FMN2: variants seen among roughly 807,000 people sequenced by gnomAD.
The protein encoded by FMN2 is formin-2.
Under a neutral mutation model 142.3 loss-of-function variants are expected in FMN2, and 51 were observed. That is an observed-to-expected ratio of 0.36 (90% CI 0.29 to 0.45). The LOEUF (loss-of-function observed/expected upper bound fraction) is 0.45. Ranked by LOEUF, FMN2 falls within the 20% of genes least tolerant of loss-of-function variation. FMN2 has a pLI of 1.00. For synonymous variants in FMN2, 882 were observed against 869.8 expected, an observed-to-expected ratio of 1.01 and a Z score of -0.25; for missense variants, 1,936 against 2,122.8, an observed-to-expected ratio of 0.91 and a Z score of 1.73.
At chr1:240,411,111 G>A (rs1183774761) in intron 15 of FMN2, among the ~76,000 whole-genome samples, 1 of 152,122 alleles carries the variant, frequency 6.6e-6, no homozygotes, top group African/African-American at 2.4e-5. Flanking sequence ...AGGTTGTCTA[G>A]AAGATATACA....
At chr1:240,381,347 T>A (rs954029310) in intron 14 of FMN2, among the ~76,000 whole-genome samples, 20 of 152,328 alleles carry the variant, frequency 1.3e-4, no homozygotes, top group African/African-American at 4.6e-4. Flanking sequence ...TGGGTTCTAT[T>A]TTAGGAATGC....
chr1:240,115,365 C>G (rs1661981142), intron 1 of FMN2, among the ~76,000 whole-genome samples: 1 of 152,100 alleles, frequency 6.6e-6, no homozygotes, highest in East Asian at 1.9e-4. Flanking sequence ...CATGCATTAT[C>G]TCATTTAGTC....
At chr1:240,256,097 C>A (rs1430264627) in intron 6 of FMN2, among the ~76,000 whole-genome samples, 1 of 151,980 alleles carries the variant, frequency 6.6e-6, no homozygotes, top group Non-Finnish European at 1.5e-5. Flanking sequence ...CATTGAGAAA[C>A]CAGAAGATGA....
At chr1:240,162,302 A>G (rs928961253) in intron 2 of FMN2, among the ~76,000 whole-genome samples, 1 of 152,122 alleles carries the variant, frequency 6.6e-6, no homozygotes, top group Middle Eastern at 3.4e-3. Context: ...CATCTCTACT[A>G]AAAATAGAAA....
At chr1:240,300,418 A>G (rs10926208) in intron 8 of FMN2, among the ~76,000 whole-genome samples, 21,920 of 152,150 alleles carry the variant, frequency 0.14, 1,669 homozygotes, top group South Asian at 0.23. Context: ...AAATATAGGA[A>G]CATTAAGCCA....
At chr1:240,197,082 T>C (rs1410236280) in intron 4 of FMN2, among the ~76,000 whole-genome samples, 1 of 152,100 alleles carries the variant, frequency 6.6e-6, no homozygotes, top group Non-Finnish European at 1.5e-5. Context: ...GACCAAAGCA[T>C]AGTAATAGGG....
intron 8 of FMN2, among the ~76,000 whole-genome samples, chr1:240,322,333 A>G (rs942541731): frequency 6.6e-6 from 1 of 152,088 alleles, no homozygotes; most frequent in Non-Finnish European, 1.5e-5. Flanking sequence ...GAGAATTGCT[A>G]TAGTTGATGG....
Position 240,294,840 on chromosome 1 carries a change from A to G in FMN2, c.4172A>G (p.Asn1391Ser). Residue 1391 changes from asparagine (N) to serine (S), a missense_variant, in exon 8 of 18, where the codon AAT becomes AGT. By Grantham distance (46) the Asn-to-Ser change is conservative. This residue lies in a region of FMN2 where 322 missense variants were observed against 401.6 expected (regional missense o/e 0.80). Coordinates refer to ENST00000319653, the MANE Select transcript of FMN2 (RefSeq NM_020066.5). ...DIQHAVVNLD[N>S]SVVDLETLQA... ...TCCACAGCTGTTGTGAACTTGGATA[A>G]TTCTGTGGTTGACCTGGAGACCCTT... The G allele has an allele frequency of 6.2e-7, 1 of 1,613,992 alleles. No individual in the cohort carries two copies. The highest frequency in any genetic ancestry group is 8.5e-7 in the Non-Finnish European group (1 of 1,179,916).
At chr1:240,333,446 A>C (rs1671446163) in intron 11 of FMN2, among the ~76,000 whole-genome samples, 1 of 152,190 alleles carries the variant, frequency 6.6e-6, no homozygotes, top group South Asian at 2.1e-4. Flanking sequence ...CCTAATCTAT[A>C]TGCTAATGAG....
intron 3 of FMN2, among the ~76,000 whole-genome samples, chr1:240,180,536 G>T (rs1665104537): frequency 1.4e-5 from 2 of 144,890 alleles, no homozygotes; most frequent in Admixed American, 7.0e-5. Context: ...TGACATCTTG[G>T]TTAAATCCAC....
intron 15 of FMN2, among the ~76,000 whole-genome samples, chr1:240,422,192 C>T (rs1674791054): frequency 6.6e-6 from 1 of 152,176 alleles, no homozygotes; most frequent in Admixed American, 6.5e-5. Flanking sequence ...AGTATCAGTC[C>T]TCCAACATCA....
chr1:240,381,812 G>C (rs1673235428), intron 14 of FMN2, among the ~76,000 whole-genome samples: 1 of 152,104 alleles, frequency 6.6e-6, no homozygotes, highest in African/African-American at 2.4e-5. Context: ...AGTAGACATT[G>C]AAGGAACATA....
At chr1:240,146,578 A>C (rs957160575) in intron 2 of FMN2, among the ~76,000 whole-genome samples, 1 of 140,222 alleles carries the variant, frequency 7.1e-6, no homozygotes, top group Admixed American at 7.2e-5. Context: ...GTGGCATGCA[A>C]CTCTAGTCCC....
At chr1:240,159,925 A>C (rs368291464) in intron 2 of FMN2, among the ~76,000 whole-genome samples, 24 of 126,958 alleles carry the variant, frequency 1.9e-4, no homozygotes, top group South Asian at 5.1e-4. Flanking sequence ...ATATATATAT[A>C]TATATATTTG....
chr1:240,472,106 T>A, intron 16 of FMN2: 1 of 343,740 alleles, frequency 2.9e-6, no homozygotes. Flanking sequence ...GCATACACAC[T>A]CTGCATAGAA....
chr1:240,304,615 C>A (rs983833355), intron 8 of FMN2, among the ~76,000 whole-genome samples: 1 of 152,296 alleles, frequency 6.6e-6, no homozygotes, highest in Non-Finnish European at 1.5e-5. Flanking sequence ...TCACTTCAAC[C>A]AGATAAGGAG....
intron 15 of FMN2, among the ~76,000 whole-genome samples, chr1:240,401,868 C>G (rs1674003972): frequency 6.6e-6 from 1 of 152,198 alleles, no homozygotes; most frequent in Admixed American, 6.5e-5. Flanking sequence ...TCCAGAATTA[C>G]AAGTGAGTAA....
intron 13 of FMN2, among the ~76,000 whole-genome samples, chr1:240,342,979 A>AT (rs1226696247): frequency 6.6e-6 from 1 of 152,166 alleles, no homozygotes; most frequent in African/African-American, 2.4e-5. Context: ...GGAAAAAAAA[A>AT]ATAGTATTTC....
chr1:240,097,417 A>G (rs1376219962), intron 1 of FMN2, among the ~76,000 whole-genome samples: 1 of 149,460 alleles, frequency 6.7e-6, no homozygotes, highest in Non-Finnish European at 1.5e-5. Context: ...GTGCAGTGGC[A>G]CGACTTCTGC....
Sources: gnomAD v4.1 joint callset for allele counts (sites outside exome capture counted in the v4.1 genomes callset) on GRCh38, gnomAD v4.1.1 for gene constraint, gnomAD v4.1.1 regional missense constraint, MANE v1.5 for transcripts, NCBI Gene and HGNC (gene_info 2026-07-23, HGNC 2026-07-21) for gene names.